The following ARFGEF2 variants were observed in gnomAD, a reference collection of about 807,000 sequenced individuals.
ARFGEF2 encodes the protein brefeldin A-inhibited guanine nucleotide-exchange protein 2.
In ARFGEF2, 74 loss-of-function variants were observed where a neutral mutation model predicts 219.9. The ratio of observed to expected loss-of-function variants is 0.34; its 90% CI spans 0.28 to 0.41. ARFGEF2 has a LOEUF of 0.41. ARFGEF2 is among the 10% of genes least tolerant of loss of function. ARFGEF2 has a pLI of 1.00. For missense variants in ARFGEF2, 1,743 were observed against 2,218.3 expected (o/e 0.79, Z 4.30); for synonymous variants, 733 against 799.2 (o/e 0.92, Z 1.40).
At chr20:48,991,885 A>G (rs954165666) in intron 21 of ARFGEF2, among the ~76,000 whole-genome samples, 7 of 152,232 alleles carry the variant, frequency 4.6e-5, no homozygotes, top group African/African-American at 1.2e-4. Flanking sequence ...GAAGTACACA[A>G]TACTACCTAA....
chr20:48,998,117 C>T (rs1316100188), intron 23 of ARFGEF2, 76 bp from the exon 24 acceptor site: 86 of 1,425,720 alleles, frequency 6.0e-5, no homozygotes, highest in Non-Finnish European at 8.0e-5. Context: ...TCCTCGGCCT[C>T]CCAAAGTGCT....
chr20:48,962,705 T>C (rs994273446), intron 6 of ARFGEF2, among the ~76,000 whole-genome samples: 4 of 152,162 alleles, frequency 2.6e-5, no homozygotes, highest in Admixed American at 2.6e-4. Flanking sequence ...CCACACGAAT[T>C]TACTTTGCCA....
intron 1 of ARFGEF2, 99 bp downstream of exon 1, chr20:48,922,109 C>T (rs965488311): frequency 4.1e-6 from 6 of 1,475,944 alleles, no homozygotes; most frequent in East Asian, 2.6e-5. Context: ...CCTCCGCTTC[C>T]CCCCGATCCC....
intron 34 of ARFGEF2, among the ~76,000 whole-genome samples, chr20:49,020,802 T>C (rs1271814751): frequency 1.3e-5 from 2 of 152,096 alleles, no homozygotes; most frequent in Non-Finnish European, 2.9e-5. Context: ...AGGCCAAGTA[T>C]ACATTTCTTT....
rs966869006 is a variant in ARFGEF2, at chr20:49,010,542, T to C, written c.3757+138T>C. On this transcript the variant is annotated intron_variant, in intron 27 of 38. Transcript: ENST00000371917. ...TATAGTAATGTGCCAGGCCGTGTTG[T>C]AAGCGCTTGATGAGTATTAATCTTG... is the stretch of plus-strand genomic sequence containing the variant. 7 of 982,730 alleles carry C rather than the reference T, an allele frequency of 7.1e-6. No individual in the cohort carries two copies. The African/African-American group carries it at 8.0e-5, about 11-fold the overall frequency. 60.9% of individuals were successfully genotyped at this position (982,730 alleles called of 1,614,324 possible). A position where few individuals can be genotyped will look rare whatever the true frequency, so the allele number is the denominator to read the frequency against.
At chr20:49,007,372 C>T (rs1318651307) in intron 26 of ARFGEF2, among the ~76,000 whole-genome samples, 2 of 151,490 alleles carry the variant, frequency 1.3e-5, no homozygotes, top group Non-Finnish European at 2.9e-5. Context: ...TTACTGCAAC[C>T]TTTGCCTCTT....
At chr20:48,946,609 C>T (rs1009454254) in intron 3 of ARFGEF2, among the ~76,000 whole-genome samples, 5 of 151,580 alleles carry the variant, frequency 3.3e-5, no homozygotes, top group African/African-American at 4.8e-5. Context: ...CCGAAAACCC[C>T]GACTTCCCCA....
chr20:48,994,842 T>G (rs1047541614), intron 22 of ARFGEF2, among the ~76,000 whole-genome samples: 2 of 152,188 alleles, frequency 1.3e-5, no homozygotes, highest in South Asian at 4.1e-4. Flanking sequence ...TATCACTATA[T>G]TGGGGAGAAA....
At chr20:49,027,719 A>T (rs1000725825) in intron 36 of ARFGEF2, among the ~76,000 whole-genome samples, 2 of 150,700 alleles carry the variant, frequency 1.3e-5, no homozygotes, top group African/African-American at 4.9e-5. Flanking sequence ...TAAATAAATG[A>T]AGAACAGTAC....
At chr20:49,019,328 C>T (rs2091550439) in intron 34 of ARFGEF2, among the ~76,000 whole-genome samples, 3 of 152,080 alleles carry the variant, frequency 2.0e-5, no homozygotes, top group South Asian at 4.1e-4. Context: ...TGAATTTTCT[C>T]CTTTTACCAG....
rs2091650998 is a variant in ARFGEF2, at chr20:49,033,797, GAT to G, written c.*601_*602del. The G allele has an allele frequency of 6.6e-6, 1 of 152,644 alleles. No individual in the cohort carries two copies. The highest frequency in any genetic ancestry group is 1.5e-5 in the Non-Finnish European group (1 of 68,086). The allele number at this position is 152,644 out of a possible 1,614,324, so 9.5% of individuals were successfully genotyped here. A position where few individuals can be genotyped will look rare whatever the true frequency, so the allele number is the denominator to read the frequency against. On this transcript the variant is annotated 3_prime_UTR_variant, in exon 39 of 39. Transcript: ENST00000371917. ...TGATTTTTAAAGTATTTTACAAAAAGATATTGAAAATTTGGTTGAAGGCAGAG... is the reference window on the plus strand; with the variant it reads ...TGATTTTTAAAGTATTTTACAAAAAGATTGAAAATTTGGTTGAAGGCAGAG...
At chr20:48,934,859 G>C (rs1197699826) in intron 1 of ARFGEF2, among the ~76,000 whole-genome samples, 1 of 152,016 alleles carries the variant, frequency 6.6e-6, no homozygotes, top group Non-Finnish European at 1.5e-5. Context: ...TAATCCTTTG[G>C]GTATATACCC....
At chr20:48,985,278 C>CT in intron 15 of ARFGEF2, 130 bp from the exon 16 acceptor site, 1 of 981,018 alleles carries the variant, frequency 1.0e-6, no homozygotes, top group Non-Finnish European at 1.6e-6. Flanking sequence ...AGTTCCCTAG[C>CT]TTTTTTACCA....
intron 14 of ARFGEF2, among the ~76,000 whole-genome samples, chr20:48,983,391 C>T (rs2091308479): frequency 6.6e-6 from 1 of 152,198 alleles, no homozygotes; most frequent in Non-Finnish European, 1.5e-5. Context: ...GTTGAAATTA[C>T]AGTACTCACT....
At chr20:48,963,747 TC>T (rs2091169131) in intron 6 of ARFGEF2, 82 bp from the exon 7 acceptor site, 2 of 1,362,326 alleles carry the variant, frequency 1.5e-6, no homozygotes, top group African/African-American at 2.9e-5. Context: ...GAAATGTAAC[TC>T]CCCATAATCT....
intron 5 of ARFGEF2, 21 bp from the exon 6 acceptor site, chr20:48,953,535 C>T (rs758995931): frequency 6.2e-7 from 1 of 1,607,438 alleles, no homozygotes; most frequent in South Asian, 1.1e-5. Flanking sequence ...AATGCTGTAT[C>T]CCCCTTTTGT....
chr20:49,006,282 G>A (rs772545045), intron 26 of ARFGEF2, among the ~76,000 whole-genome samples: 2 of 151,996 alleles, frequency 1.3e-5, no homozygotes, highest in Non-Finnish European at 2.9e-5. Context: ...CAACAAGAGC[G>A]AAATGCTGTC....
intron 1 of ARFGEF2, among the ~76,000 whole-genome samples, chr20:48,929,073 G>T (rs2090897446): frequency 6.6e-6 from 1 of 152,220 alleles, no homozygotes; most frequent in Admixed American, 6.5e-5. Flanking sequence ...ATAGCTCAGA[G>T]CTGTGTTTAG....
intron 7 of ARFGEF2, among the ~76,000 whole-genome samples, chr20:48,964,804 A>G (rs1270547351): frequency 2.0e-5 from 3 of 152,238 alleles, no homozygotes; most frequent in Non-Finnish European, 1.5e-5. Context: ...GAATTTGTCC[A>G]GAAATCAAAA....
Sources: gnomAD v4.1 joint callset for allele counts (sites outside exome capture counted in the v4.1 genomes callset) on GRCh38, gnomAD v4.1.1 for gene constraint, MANE v1.5 for transcripts, NCBI Gene and HGNC (gene_info 2026-07-23, HGNC 2026-07-21) for gene names.